Variants in MYH11 observed in about 807,000 individuals in gnomAD.
MYH11 encodes myosin-11.
In MYH11, 80 loss-of-function variants were observed where a neutral mutation model predicts 246.6. The observed-to-expected ratio is 0.32, with a 90% CI of 0.27 to 0.39. The LOEUF (loss-of-function observed/expected upper bound fraction) is 0.39, where lower values mean the gene tolerates loss of function less well. MYH11 is among the 10% of genes least tolerant of loss of function. MYH11 has a pLI of 1.00. For synonymous variants in MYH11, 1,071 were observed against 1,015.5 expected (o/e 1.05, Z -1.04); for missense variants, 2,158 against 2,546.8 (o/e 0.85, Z 3.29).
intron 40 of MYH11, among the ~76,000 whole-genome samples, chr16:15,705,933 C>T (rs1406341467): frequency 2.2e-5 from 3 of 136,444 alleles, no homozygotes; most frequent in Non-Finnish European, 3.1e-5. Flanking sequence ...TGCAGTGAGC[C>T]GAGATGTGGC....
intron 1 of MYH11, among the ~76,000 whole-genome samples, chr16:15,843,186 A>T (rs551441018): frequency 3.3e-5 from 5 of 152,034 alleles, no homozygotes; most frequent in East Asian, 3.9e-4. Flanking sequence ...CCTGGTCAAC[A>T]TGGGAAAACC....
chr16:15,784,783 G>A, intron 5 of MYH11: 2 of 1,589,242 alleles, frequency 1.3e-6, no homozygotes, highest in East Asian at 4.5e-5. Context: ...GACATCAGGG[G>A]CTGGAGAATA....
intron 4 of MYH11, among the ~76,000 whole-genome samples, chr16:15,797,688 A>T (rs1450271604): frequency 2.0e-5 from 3 of 151,792 alleles, no homozygotes; most frequent in Non-Finnish European, 4.4e-5. Flanking sequence ...CCCCAAAATC[A>T]ATATTCATGG....
intron 9 of MYH11, among the ~76,000 whole-genome samples, chr16:15,768,567 G>A (rs757060702): frequency 1.9e-4 from 29 of 152,094 alleles, no homozygotes; most frequent in Non-Finnish European, 3.2e-4. Flanking sequence ...TCATTTGCAC[G>A]CCATCGTCTG....
In MYH11 at chr16:15,821,185, T is replaced by G. The variant is rs1022098229; in HGVS notation, c.502+2070A>C. ...CTGTGCCTGGCCTGCAATGTCATTT[T>G]TCAAGCTCAGTCAAATATTTTGCCC... On this transcript the variant is annotated intron_variant, in intron 3 of 40. Coordinates refer to ENST00000300036, the MANE Select transcript of MYH11 (RefSeq NM_002474.3). 1.8e-4 allele frequency among the ~76,000 whole-genome samples: 28 copies of G among 152,260 alleles called. 1 individual carries two copies. Among genetic ancestry groups the G allele is most frequent in the Non-Finnish European group, 3.5e-4 (24 of 68,050 alleles).
At chr16:15,739,703 G>C (rs1455634180) in intron 23 of MYH11, among the ~76,000 whole-genome samples, 2 of 151,912 alleles carry the variant, frequency 1.3e-5, no homozygotes, top group African/African-American at 4.8e-5. Flanking sequence ...AAATCTCCCT[G>C]ATCCTGGTAA....
chr16:15,784,385 G>A (rs1285528154), intron 5 of MYH11, among the ~76,000 whole-genome samples: 3 of 152,116 alleles, frequency 2.0e-5, no homozygotes, highest in Non-Finnish European at 2.9e-5. Context: ...CCAGTCAAGG[G>A]TACCAGGAGC....
intron 3 of MYH11, among the ~76,000 whole-genome samples, chr16:15,814,114 C>A (rs1299675627): frequency 6.7e-6 from 1 of 149,198 alleles, no homozygotes; most frequent in Non-Finnish European, 1.5e-5. Flanking sequence ...CTCCAGCTTG[C>A]GCGACAAGAG....
rs1431217461 is a variant in MYH11, at chr16:15,838,009, G to T, written c.244C>A (p.Pro82Thr). Residue 82 changes from proline (P) to threonine (T), a missense_variant, in exon 2 of 41, where the codon CCC (proline) becomes ACC (threonine). Coordinates refer to ENST00000300036, the MANE Select transcript of MYH11 (RefSeq NM_002474.3). ...ATGTCCTCCACCTTGGAGAACTTGG[G>T]TGGGTTCATCTTCTGGATGTCATCT... ...GKDDIQKMNP[P>T]KFSKVEDMAE... is the part of the protein sequence containing the mutation. 1.9e-6 allele frequency: 3 copies of T among 1,614,034 alleles called. No homozygotes were observed. In the Admixed American group the frequency reaches 5.0e-5, roughly 27 times the overall value.
chr16:15,724,871 T>C lies in MYH11; in HGVS notation c.3963+17A>G. ...GCCACCCCCCAGGTCCCCTGGATGATGTGGCAGGACACTCACCTGGGTGTC... is the reference window on the plus strand; with the variant it reads ...GCCACCCCCCAGGTCCCCTGGATGACGTGGCAGGACACTCACCTGGGTGTC... On this transcript the variant is annotated intron_variant, in intron 29 of 40. Coordinates refer to ENST00000300036, the MANE Select transcript of MYH11 (RefSeq NM_002474.3). The C allele has an allele frequency of 6.2e-7, 1 of 1,613,746 alleles. No homozygotes were observed. Among genetic ancestry groups the C allele is most frequent in the Non-Finnish European group, 8.5e-7 (1 of 1,179,902 alleles).
intron 15 of MYH11, among the ~76,000 whole-genome samples, chr16:15,752,139 A>C (rs573070786): frequency 6.6e-6 from 1 of 151,860 alleles, no homozygotes; most frequent in Non-Finnish European, 1.5e-5. Flanking sequence ...CTCTCCCACA[A>C]GACTGTGGGT....
intron 6 of MYH11, 87 bp downstream of exon 6, chr16:15,782,298 C>T: frequency 8.7e-7 from 1 of 1,150,596 alleles, no homozygotes; most frequent in Non-Finnish European, 1.3e-6. Context: ...GATGCCCCTC[C>T]CACCTCTGCA....
rs570615683 is a variant in MYH11 at position 15,751,923 on chromosome 16, C to T, written c.1864+1471G>A. Among the ~76,000 whole-genome samples, 19 of 152,104 alleles carry T rather than the reference C, an allele frequency of 1.2e-4. No homozygotes were observed. The South Asian group carries it at 1.5e-3, about 12-fold the overall frequency. Reference sequence around the variant, plus strand: ...AAGCAGTTCTCCTGCCTCAGCCTCCCGAGTAGCTGGGATTACCACCACCAC... The same window carrying T: ...AAGCAGTTCTCCTGCCTCAGCCTCCTGAGTAGCTGGGATTACCACCACCAC... On this transcript the variant is annotated intron_variant, in intron 15 of 40. Coordinates refer to ENST00000300036, the MANE Select transcript of MYH11 (RefSeq NM_002474.3).
At chr16:15,835,809 A>T (rs999360554) in intron 2 of MYH11, among the ~76,000 whole-genome samples, 1 of 147,410 alleles carries the variant, frequency 6.8e-6, no homozygotes, top group Non-Finnish European at 1.5e-5. Flanking sequence ...GCTAGAGTGC[A>T]GTGGCACAAT....
chr16:15,770,607 TC>T (rs1179539981), intron 9 of MYH11, among the ~76,000 whole-genome samples: 3 of 151,824 alleles, frequency 2.0e-5, no homozygotes, highest in African/African-American at 7.3e-5. Context: ...CCTCGATCAC[TC>T]CCCCTCCCCT....
chr16:15,740,037 C>T lies in MYH11; in HGVS notation c.2997+14G>A, dbSNP rs753414681. The T allele has an allele frequency of 1.2e-5, 20 of 1,613,430 alleles. No individual in the cohort carries two copies. Among genetic ancestry groups the T allele is most frequent in the African/African-American group, 5.3e-5 (4 of 74,932 alleles). On this transcript the variant is annotated intron_variant, in intron 23 of 40. Transcript: ENST00000300036. ...GATTATAGGCGTGAGCCACTGCACC[C>T]GGCCCCTACTCACTTTTGATAGTTT... is the stretch of plus-strand genomic sequence containing the variant.
chr16:15,839,551 G>T (rs1034341838), intron 1 of MYH11, among the ~76,000 whole-genome samples: 2 of 151,802 alleles, frequency 1.3e-5, no homozygotes, highest in African/African-American at 4.8e-5. Flanking sequence ...AATATTAATG[G>T]AGTGTGGTGG....
At chr16:15,730,614 G>A (rs2040932392) in intron 27 of MYH11, among the ~76,000 whole-genome samples, 1 of 152,120 alleles carries the variant, frequency 6.6e-6, no homozygotes, top group Non-Finnish European at 1.5e-5. Context: ...ATACACTAGT[G>A]ATAGAACCAA....
At chr16:15,725,164 A>G (rs760024) in intron 28 of MYH11, 172 bp from the exon 29 acceptor site, 2 of 641,896 alleles carry the variant, frequency 3.1e-6, no homozygotes, top group African/African-American at 1.9e-5. Context: ...CACACACACA[A>G]AAAAAACAGA....
Sources: gnomAD v4.1 joint callset for allele counts (sites outside exome capture counted in the v4.1 genomes callset) on GRCh38, gnomAD v4.1.1 for gene constraint, MANE v1.5 for transcripts, NCBI Gene and HGNC (gene_info 2026-07-23, HGNC 2026-07-21) for gene names.